AGAP1: variants seen among roughly 807,000 people sequenced by gnomAD.
The protein encoded by AGAP1 is arf-GAP with GTPase, ANK repeat and PH domain-containing protein 1.
Under a neutral mutation model 105.3 loss-of-function variants are expected in AGAP1, and 29 were observed. That is an observed-to-expected ratio of 0.28 (90% confidence interval 0.21 to 0.38). AGAP1 has a LOEUF of 0.38. Among genes scored for constraint, AGAP1 ranks in the 10% least tolerant of loss-of-function variants. The pLI is 1.00. For missense variants in AGAP1, 998 were observed against 1,165.1 expected, an observed-to-expected ratio of 0.86 and a Z score of 2.09; for synonymous variants, 509 against 485.9, an observed-to-expected ratio of 1.05 and a Z score of -0.63.
Position 236,126,534 on chromosome 2 carries a change from A to G in AGAP1, c.*2412A>G, listed in dbSNP as rs1478193783. The G allele has an allele frequency of 6.6e-6, 1 of 152,142 alleles. No homozygotes were observed. Among genetic ancestry groups the G allele is most frequent in the Non-Finnish European group, 1.5e-5 (1 of 68,030 alleles). The allele number at this position is 152,142 out of a possible 1,614,324, so 9.4% of individuals were successfully genotyped here. A position where few individuals can be genotyped will look rare whatever the true frequency, so the allele number is the denominator to read the frequency against. On this transcript the variant is annotated 3_prime_UTR_variant, in exon 18 of 18. Coordinates refer to ENST00000304032, the MANE Select transcript of AGAP1 (RefSeq NM_001037131.3). ...CGTGTACATATTATTCTATGTGTTT[A>G]TAATATAATATTTTCCCAAATGACT...
chr2:235,684,834 C>T (rs147184550), intron 1 of AGAP1, among the ~76,000 whole-genome samples: 1 of 152,280 alleles, frequency 6.6e-6, no homozygotes, highest in East Asian at 1.9e-4. Flanking sequence ...TTGTGACCAA[C>T]AGGAGAGACT....
At chr2:235,572,862 G>C (rs1408261391) in intron 1 of AGAP1, among the ~76,000 whole-genome samples, 1 of 152,188 alleles carries the variant, frequency 6.6e-6, no homozygotes, top group African/African-American at 2.4e-5. Flanking sequence ...CTCGGCTGCG[G>C]GAGCTCCTGG....
rs944932032 is a variant in AGAP1 at position 235,892,685 on chromosome 2, A to G, written c.1155+9236A>G. Among the ~76,000 whole-genome samples the G allele has an allele frequency of 6.6e-5, 10 of 152,252 alleles. No homozygotes were observed. The East Asian group carries it at 1.9e-3, about 29-fold the overall frequency. ...CGAATTCCTCACATAGGACTGCAAC[A>G]TTTTACTTGAGGATTGAAGATTCAC... On this transcript the variant is annotated intron_variant, in intron 10 of 17. Transcript: ENST00000304032.
At chr2:235,523,029 G>T (rs960558046) in intron 1 of AGAP1, among the ~76,000 whole-genome samples, 4 of 152,130 alleles carry the variant, frequency 2.6e-5, no homozygotes, top group African/African-American at 9.7e-5. Flanking sequence ...CAGTTCTGGC[G>T]GTTGGGAGTC....
In AGAP1 at chr2:235,569,157, GTA is replaced by G. The variant is rs1944440262; in HGVS notation, c.163+74311_163+74312del. On this transcript the variant is annotated intron_variant, in intron 1 of 17. Transcript: ENST00000304032. This position sits in a 1 kb window ranked among gnomAD's most constrained non-coding sequence, Gnocchi z 5.9. ...TGGCGGAAACCCGTCTCTATTAAAAGTATAAAAATTAGCTGGGTGTGGTGGCG... is the reference window on the plus strand; with the variant it reads ...TGGCGGAAACCCGTCTCTATTAAAAGTAAAAATTAGCTGGGTGTGGTGGCG... 6.6e-6 allele frequency among the ~76,000 whole-genome samples: 1 copy of G among 152,158 alleles called. No homozygotes were observed. Among genetic ancestry groups the G allele is most frequent in the South Asian group, 2.1e-4 (1 of 4,826 alleles).
At chr2:235,770,127 T>TTC (rs56662058) in intron 6 of AGAP1, among the ~76,000 whole-genome samples, 31,970 of 140,566 alleles carry the variant, frequency 0.23, 4,454 homozygotes, top group Admixed American at 0.36. Context: ...TTTTCTTTCT[T>TTC]TGTTTCTTTT....
chr2:236,079,260 C>CACTT (rs1559254544), intron 16 of AGAP1, among the ~76,000 whole-genome samples: 2 of 151,838 alleles, frequency 1.3e-5, no homozygotes, highest in Non-Finnish European at 2.9e-5. Flanking sequence ...TGGCTTACAC[C>CACTT]TGTAATCCCA....
At chr2:235,554,671 C>G (rs1359591368) in intron 1 of AGAP1, among the ~76,000 whole-genome samples, 1 of 152,114 alleles carries the variant, frequency 6.6e-6, no homozygotes, top group African/African-American at 2.4e-5. Flanking sequence ...AATCACGGAA[C>G]CATTTCTTTC....
chr2:235,801,886 C>A lies in AGAP1; in HGVS notation c.957+2364C>A, dbSNP rs1359748160. 6.6e-6 allele frequency among the ~76,000 whole-genome samples: 1 copy of A among 151,984 alleles called. No individual in the cohort carries two copies. Among genetic ancestry groups the A allele is most frequent in the African/African-American group, 2.4e-5 (1 of 41,368 alleles). ...TCTTTTAAGGAGAGAAATTTTAAAA[C>A]CACAAAGTATCTTTAAAAATGAGAC... On this transcript the variant is annotated intron_variant, in intron 8 of 17. Coordinates refer to ENST00000304032, the MANE Select transcript of AGAP1 (RefSeq NM_001037131.3). The surrounding 1 kb of genome is among the most constrained non-coding windows in gnomAD (Gnocchi z 6.0).
rs1429440565 is a variant in AGAP1 at position 235,879,296 on chromosome 2, A to G, written c.1051-4049A>G. Among the ~76,000 whole-genome samples the G allele has an allele frequency of 6.6e-6, 1 of 152,222 alleles. No individual in the cohort carries two copies. The highest frequency in any genetic ancestry group is 1.5e-5 in the Non-Finnish European group (1 of 68,034). Reference sequence around the variant, plus strand: ...AAGAAAAGTGCACCTGCCCCAGCCCAGCTAGACCACAGCCATGACATGGCA... The same window carrying G: ...AAGAAAAGTGCACCTGCCCCAGCCCGGCTAGACCACAGCCATGACATGGCA... On this transcript the variant is annotated intron_variant, in intron 9 of 17. Transcript: ENST00000304032. This position sits in a 1 kb window ranked among gnomAD's most constrained non-coding sequence, Gnocchi z 5.0.
At chr2:236,088,216 C>T (rs2058978416) in intron 16 of AGAP1, among the ~76,000 whole-genome samples, 2 of 152,170 alleles carry the variant, frequency 1.3e-5, no homozygotes, top group African/African-American at 4.8e-5. Flanking sequence ...TGGAATCCTT[C>T]CTTCACCTTA....
intron 9 of AGAP1, among the ~76,000 whole-genome samples, chr2:235,834,838 C>T (rs746055600): frequency 6.6e-6 from 1 of 152,156 alleles, no homozygotes; most frequent in African/African-American, 2.4e-5. Flanking sequence ...CTTAGAGGCT[C>T]GGGTCTAGTG....
At chr2:235,762,155 T>C (rs912967937) in intron 6 of AGAP1, among the ~76,000 whole-genome samples, 8 of 150,650 alleles carry the variant, frequency 5.3e-5, no homozygotes, top group African/African-American at 1.7e-4. Flanking sequence ...GACATAGCCA[T>C]GTGGTCCTTT....
intron 1 of AGAP1, among the ~76,000 whole-genome samples, chr2:235,579,224 G>A (rs1034661081): frequency 3.3e-5 from 5 of 152,274 alleles, no homozygotes; most frequent in African/African-American, 4.8e-5. Context: ...TTCTATTTAT[G>A]CCCAGCTGGC....
intron 3 of AGAP1, among the ~76,000 whole-genome samples, chr2:235,722,771 T>C (rs1394132101): frequency 6.6e-6 from 1 of 152,188 alleles, no homozygotes; most frequent in East Asian, 1.9e-4. Flanking sequence ...GTGTGTGTTA[T>C]ATACCTGTGA....
Position 236,119,174 on chromosome 2 carries a change from G to A in AGAP1, c.2115-1018G>A, listed in dbSNP as rs570443658. Among the ~76,000 whole-genome samples the A allele has an allele frequency of 5.3e-5, 8 of 152,142 alleles. No individual in the cohort carries two copies. Among genetic ancestry groups the A allele is most frequent in the Admixed American group, 1.3e-4 (2 of 15,272 alleles). ...GGTTGTGATGCTGGGGCCGGGGCGG[G>A]CAGGCATCAGCATCATCCACTCTCC... is the stretch of plus-strand genomic sequence containing the variant. On this transcript the variant is annotated intron_variant, in intron 16 of 17. Transcript: ENST00000304032. This position sits in a 1 kb window ranked among gnomAD's most constrained non-coding sequence, Gnocchi z 6.6.
Position 235,951,437 on chromosome 2 carries a change from T to C in AGAP1, c.1484-17025T>C, listed in dbSNP as rs1199865849. Among the ~76,000 whole-genome samples, 2 of 152,368 alleles carry C rather than the reference T, an allele frequency of 1.3e-5. No homozygotes were observed. Among genetic ancestry groups the C allele is most frequent in the East Asian group, 1.9e-4 (1 of 5,190 alleles). ...GAACTGAAAAATGTGTAGCAGGTTTTCAAACCTCTTACTTGCCCAAAGCTT... is the reference window on the plus strand; with the variant it reads ...GAACTGAAAAATGTGTAGCAGGTTTCCAAACCTCTTACTTGCCCAAAGCTT... On this transcript the variant is annotated intron_variant, in intron 12 of 17. Coordinates refer to ENST00000304032, the MANE Select transcript of AGAP1 (RefSeq NM_001037131.3). This position sits in a 1 kb window ranked among gnomAD's most constrained non-coding sequence, Gnocchi z 4.2.
At chr2:235,679,677 C>T (rs1413764866) in intron 1 of AGAP1, among the ~76,000 whole-genome samples, 1 of 152,212 alleles carries the variant, frequency 6.6e-6, no homozygotes, top group Admixed American at 6.5e-5. Flanking sequence ...CTGAGTGCTG[C>T]GTCCCAACAT....
At chr2:235,670,871 G>A in intron 1 of AGAP1, 2 of 1,376,238 alleles carry the variant, frequency 1.5e-6, no homozygotes, top group Non-Finnish European at 1.9e-6. Context: ...CGGGGCCGGC[G>A]CGGCCTCGGA....
Sources: gnomAD v4.1 joint callset for allele counts (sites outside exome capture counted in the v4.1 genomes callset) on GRCh38, gnomAD v4.1.1 for gene constraint, Gnocchi (gnomAD v3.1) non-coding constraint, MANE v1.5 for transcripts, NCBI Gene and HGNC (gene_info 2026-07-23, HGNC 2026-07-21) for gene names.